AHCYL2: variants seen among roughly 807,000 people sequenced by gnomAD.
AHCYL2 encodes adenosylhomocysteinase like 2.
In AHCYL2, 28 loss-of-function variants were observed where a neutral mutation model predicts 81.4. The ratio of observed to expected loss-of-function variants is 0.34; its 90% CI spans 0.25 to 0.47. AHCYL2 has a LOEUF of 0.47. Ranked by LOEUF, AHCYL2 falls within the 20% of genes least tolerant of loss-of-function variation. AHCYL2 has a pLI of 1.00. For synonymous variants in AHCYL2, 272 were observed against 290.2 expected (o/e 0.94, Z 0.64); for missense variants, 551 against 785.1 (o/e 0.70, Z 3.56).
At chr7:129,242,690 T>A (rs1794907066) in intron 1 of AHCYL2, among the ~76,000 whole-genome samples, 1 of 150,154 alleles carries the variant, frequency 6.7e-6, no homozygotes, top group Non-Finnish European at 1.5e-5. Flanking sequence ...GCACTCCACC[T>A]GGGTGACAGT....
At chr7:129,385,868 AT>A (rs1795175789) in intron 2 of AHCYL2, among the ~76,000 whole-genome samples, 1 of 152,182 alleles carries the variant, frequency 6.6e-6, no homozygotes, top group Non-Finnish European at 1.5e-5. Flanking sequence ...GTGTTTGTAC[AT>A]ACGTGTTGGG....
At chr7:129,409,122 G>A (rs1298252751) in intron 10 of AHCYL2, among the ~76,000 whole-genome samples, 1 of 151,786 alleles carries the variant, frequency 6.6e-6, no homozygotes, top group Non-Finnish European at 1.5e-5. Flanking sequence ...AAGAGTCTAA[G>A]AAATCTTGGG....
At chr7:129,328,339 G>A (rs374305119) in intron 1 of AHCYL2, among the ~76,000 whole-genome samples, 72 of 146,346 alleles carry the variant, frequency 4.9e-4, no homozygotes, top group East Asian at 4.0e-3. Context: ...CACCACGCCC[G>A]GCTAATTTTT....
At chr7:129,415,819 G>T (rs564260432) in intron 12 of AHCYL2, among the ~76,000 whole-genome samples, 1 of 151,994 alleles carries the variant, frequency 6.6e-6, no homozygotes, top group Admixed American at 6.6e-5. Context: ...TTAGTTGGGT[G>T]TGGTGGCTTG....
chr7:129,351,808 TGTGAGGTCA>T, intron 1 of AHCYL2: 1 of 152,342 alleles, frequency 6.6e-6, no homozygotes, highest in Non-Finnish European at 1.5e-5. Context: ...TTTCAAGGTC[TGTGAGGTCA>T]GAGCTGTTTT....
chr7:129,421,052 A>T (rs541138281), intron 12 of AHCYL2, among the ~76,000 whole-genome samples: 51 of 152,234 alleles, frequency 3.4e-4, no homozygotes, highest in Non-Finnish European at 5.6e-4. Context: ...GGGGTTCGAG[A>T]CCAGCCTGGT....
At chr7:129,339,181 T>G (rs2150812835) in intron 1 of AHCYL2, among the ~76,000 whole-genome samples, 1 of 152,340 alleles carries the variant, frequency 6.6e-6, no homozygotes, top group South Asian at 2.1e-4. Flanking sequence ...TTCTTGTCTC[T>G]TATGTTTGCT....
Position 129,267,230 on chromosome 7 carries a change from G to GGTGTGT in AHCYL2, c.363+41826_363+41831dup, listed in dbSNP as rs769745702. On this transcript the variant is annotated intron_variant, in intron 1 of 16. Transcript: ENST00000325006. ...TCCAAGTTATTGAGTTCACTCAAGG[G>GGTGTGT]GTGTGTGTGTGTGTGTGTGTGTGTG... Among the ~76,000 whole-genome samples, 387 of 59,204 alleles carry GGTGTGT rather than the reference G, an allele frequency of 6.5e-3. 4 individuals are homozygous for GGTGTGT. The highest frequency in any genetic ancestry group is 0.016 in the African/African-American group (362 of 23,116). 38.8% of individuals were successfully genotyped at this position (59,204 alleles called of 152,430 possible). A position where few individuals can be genotyped will look rare whatever the true frequency, so the allele number is the denominator to read the frequency against.
intron 1 of AHCYL2, among the ~76,000 whole-genome samples, chr7:129,336,495 A>G (rs1798609202): frequency 6.6e-6 from 1 of 152,152 alleles, no homozygotes; most frequent in South Asian, 2.1e-4. Context: ...GTAATAACCC[A>G]TACATTAATT....
intron 12 of AHCYL2, among the ~76,000 whole-genome samples, chr7:129,420,141 G>A (rs1047479104): frequency 1.3e-5 from 2 of 152,152 alleles, no homozygotes; most frequent in African/African-American, 4.8e-5. Context: ...TTAGTAAACT[G>A]CCTCTACTAA....
chr7:129,228,752 CT>C (rs1293960569), intron 1 of AHCYL2, among the ~76,000 whole-genome samples: 1 of 152,246 alleles, frequency 6.6e-6, no homozygotes, highest in African/African-American at 2.4e-5. Context: ...CTAGATTGTG[CT>C]TACATCAGTA....
intron 4 of AHCYL2, among the ~76,000 whole-genome samples, chr7:129,396,371 C>T (rs563022691): frequency 1.6e-4 from 25 of 151,892 alleles, no homozygotes; most frequent in African/African-American, 5.3e-4. Flanking sequence ...GTGATCTGCC[C>T]GCCTCGGCCT....
At chr7:129,242,209 T>C (rs913331245) in intron 1 of AHCYL2, among the ~76,000 whole-genome samples, 6 of 152,188 alleles carry the variant, frequency 3.9e-5, no homozygotes, top group Non-Finnish European at 5.9e-5. Context: ...TACTACAGTT[T>C]ACACATTCAT....
chr7:129,225,565 C>T (rs1176972498), intron 1 of AHCYL2, 126 bp downstream of exon 1: 5 of 1,359,980 alleles, frequency 3.7e-6, no homozygotes, highest in Non-Finnish European at 3.8e-6. Context: ...TACCCCTTGT[C>T]CCCTTAAACC....
chr7:129,279,117 A>T lies in AHCYL2; in HGVS notation c.363+53678A>T, dbSNP rs183149982. 1.1e-3 allele frequency among the ~76,000 whole-genome samples: 160 copies of T among 152,210 alleles called. 1 individual carries two copies. The highest frequency in any genetic ancestry group is 3.8e-3 in the African/African-American group (156 of 41,524). Reference sequence around the variant, plus strand: ...CTACAACAAAGCATCTGGGATTTTTATTGGAATTGTATTGAATCTGCATTT... The same window carrying T: ...CTACAACAAAGCATCTGGGATTTTTTTTGGAATTGTATTGAATCTGCATTT... On this transcript the variant is annotated intron_variant, in intron 1 of 16. Transcript: ENST00000325006.
chr7:129,325,715 G>GT (rs1261232395), intron 1 of AHCYL2, among the ~76,000 whole-genome samples: 1 of 150,340 alleles, frequency 6.7e-6, no homozygotes, highest in African/African-American at 2.4e-5. Context: ...ATTTTGTTTT[G>GT]TTTTTTCTTT....
chr7:129,399,876 A>G (rs1299179680), intron 5 of AHCYL2, among the ~76,000 whole-genome samples: 1 of 151,886 alleles, frequency 6.6e-6, no homozygotes, highest in Non-Finnish European at 1.5e-5. Flanking sequence ...ACAGGCATGC[A>G]CCACCACGCC....
intron 1 of AHCYL2, among the ~76,000 whole-genome samples, chr7:129,257,075 CTTTAT>C (rs1283685762): frequency 6.6e-6 from 1 of 152,112 alleles, no homozygotes; most frequent in East Asian, 1.9e-4. Flanking sequence ...AACCAGCTCC[CTTTAT>C]TTTATCTATG....
At chr7:129,276,186 A>G (rs1330594962) in intron 1 of AHCYL2, among the ~76,000 whole-genome samples, 1 of 152,146 alleles carries the variant, frequency 6.6e-6, no homozygotes, top group African/African-American at 2.4e-5. Context: ...GATAATATAA[A>G]TACTGTGTAT....
Sources: allele counts gnomAD v4.1 joint callset (sites outside exome capture counted in the v4.1 genomes callset), GRCh38; gene constraint gnomAD v4.1.1; transcripts MANE v1.5; gene names NCBI Gene and HGNC (gene_info 2026-07-23, HGNC 2026-07-21).